CDH8: variants seen among roughly 807,000 people sequenced by gnomAD.
The protein encoded by CDH8 is cadherin-8.
A neutral mutation model predicts 68.1 loss-of-function variants in CDH8; 17 were observed. The observed-to-expected ratio is 0.25, with a 90% CI of 0.17 to 0.37. CDH8 has a LOEUF of 0.37. Ranked by LOEUF, CDH8 falls within the 10% of genes least tolerant of loss-of-function variation. CDH8 has a pLI of 1.00. For synonymous variants in CDH8, 372 were observed against 365.1 expected, an observed-to-expected ratio of 1.02 and a Z score of -0.21; for missense variants, 763 against 999.3, an observed-to-expected ratio of 0.76 and a Z score of 3.19.
At chr16:61,946,059 G>A (rs1263435527) in intron 2 of CDH8, among the ~76,000 whole-genome samples, 1 of 152,120 alleles carries the variant, frequency 6.6e-6, no homozygotes, top group South Asian at 2.1e-4. Flanking sequence ...AAAAATTTGA[G>A]TTCACCTTCC....
In CDH8 at chr16:61,887,744, C is replaced by A. The variant is rs936577667; in HGVS notation, c.547+13435G>T. Among the ~76,000 whole-genome samples, 110 of 152,120 alleles carry A rather than the reference C, an allele frequency of 7.2e-4. 1 individual carries two copies. The highest frequency in any genetic ancestry group is 2.4e-3 in the African/African-American group (101 of 41,504). On this transcript the variant is annotated intron_variant, in intron 3 of 11. Transcript: ENST00000577390. The stretch of plus-strand genomic sequence containing the variant: ...AATTTGTGGGGAACACAATTCTGAT[C>A]CCATCACAAACCCACTGTATTTACA...
At chr16:61,853,963 T>C (rs1199980797) in intron 4 of CDH8, among the ~76,000 whole-genome samples, 1 of 151,658 alleles carries the variant, frequency 6.6e-6, no homozygotes, top group Non-Finnish European at 1.5e-5. Context: ...TGTGTATATA[T>C]ACATGTACAT....
At chr16:61,852,950 C>T (rs900793771) in intron 4 of CDH8, among the ~76,000 whole-genome samples, 2 of 149,240 alleles carry the variant, frequency 1.3e-5, no homozygotes, top group African/African-American at 5.1e-5. Flanking sequence ...TCCTTCACTA[C>T]TTACTGAAGG....
At chr16:61,763,024 T>C (rs1282594087) in intron 8 of CDH8, among the ~76,000 whole-genome samples, 1 of 152,146 alleles carries the variant, frequency 6.6e-6, no homozygotes, top group Non-Finnish European at 1.5e-5. Flanking sequence ...GGACACCAAC[T>C]TCCTGCTGGG....
At chr16:61,936,494 C>G (rs1964629156) in intron 2 of CDH8, among the ~76,000 whole-genome samples, 1 of 152,102 alleles carries the variant, frequency 6.6e-6, no homozygotes, top group Non-Finnish European at 1.5e-5. Flanking sequence ...CAAGATTGCT[C>G]ATAACTCTAT....
chr16:61,788,248 C>T (rs1567470974), intron 8 of CDH8, among the ~76,000 whole-genome samples: 1 of 152,024 alleles, frequency 6.6e-6, no homozygotes, highest in Non-Finnish European at 1.5e-5. Context: ...TTTTTAAATA[C>T]AAACAAAGTA....
intron 2 of CDH8, among the ~76,000 whole-genome samples, chr16:61,937,346 G>A (rs1964644003): frequency 6.6e-6 from 1 of 152,086 alleles, no homozygotes; most frequent in African/African-American, 2.4e-5. Context: ...TAGAACAGAA[G>A]GAAACCACCA....
At position 61,652,990 on chromosome 16, in the gene CDH8, T is replaced by C. The variant is rs1255338481; in HGVS notation, c.*618A>G. 1 of 1,477,392 alleles carries C rather than the reference T, an allele frequency of 6.8e-7. No individual in the cohort carries two copies. The highest frequency in any genetic ancestry group is 8.9e-7 in the Non-Finnish European group (1 of 1,118,476). The allele number at this position is 1,477,392 out of a possible 1,614,324, so 91.5% of individuals were successfully genotyped here. On this transcript the variant is annotated 3_prime_UTR_variant, in exon 12 of 12. Coordinates refer to ENST00000577390, the MANE Select transcript of CDH8 (RefSeq NM_001796.5). ...GGAATGGATTACGAACATGTGAATA[T>C]TTTAAGGCTCGACACAATATTTAAA...
chr16:61,711,653 T>C (rs1167964661), intron 10 of CDH8: 1 of 151,718 alleles, frequency 6.6e-6, no homozygotes, highest in Non-Finnish European at 1.5e-5. Flanking sequence ...ATTTCTGATC[T>C]AGGAAGAGGA....
intron 10 of CDH8, among the ~76,000 whole-genome samples, chr16:61,670,965 A>AG (rs1963780129): frequency 6.6e-6 from 1 of 152,070 alleles, no homozygotes; most frequent in Non-Finnish European, 1.5e-5. Context: ...TATCAGACCA[A>AG]GGTTGAAAGC....
chr16:61,883,413 A>G (rs1963614175), intron 3 of CDH8, among the ~76,000 whole-genome samples: 1 of 152,098 alleles, frequency 6.6e-6, no homozygotes, highest in Admixed American at 6.6e-5. Flanking sequence ...TTTATATAGC[A>G]AACAACAAGC....
intron 10 of CDH8, among the ~76,000 whole-genome samples, chr16:61,711,410 C>G (rs1198329339): frequency 6.6e-6 from 1 of 151,830 alleles, no homozygotes; most frequent in Non-Finnish European, 1.5e-5. Flanking sequence ...AACATTTTAA[C>G]ATTTTTCTTG....
rs1199076688 is a variant in CDH8, at chr16:61,751,395, A to C, written c.1415-24180T>G. Among the ~76,000 whole-genome samples, 17 of 147,514 alleles carry C rather than the reference A, an allele frequency of 1.2e-4. 1 individual carries two copies. The highest frequency in any genetic ancestry group is 3.9e-4 in the African/African-American group (16 of 40,614). The stretch of plus-strand genomic sequence containing the variant: ...CCATATTCTCCTTAAAAAAAAAAAA[A>C]AAAAAAAAAAAAAAAACAAGCAGTT... On this transcript the variant is annotated intron_variant, in intron 8 of 11. Coordinates refer to ENST00000577390, the MANE Select transcript of CDH8 (RefSeq NM_001796.5).
At chr16:62,019,329 A>T (rs536304012) in intron 2 of CDH8, among the ~76,000 whole-genome samples, 1 of 152,304 alleles carries the variant, frequency 6.6e-6, no homozygotes, top group African/African-American at 2.4e-5. Flanking sequence ...GGCCACTGGC[A>T]TTTCCAACAG....
Position 62,021,362 on chromosome 16 carries a change from A to C in CDH8, c.42T>G (p.Thr14=), listed in dbSNP as rs548332575. 1.9e-6 allele frequency: 3 copies of C among 1,613,244 alleles called. No individual in the cohort carries two copies. In the African/African-American group the frequency reaches 4.0e-5, roughly 22 times the overall value. ...GAGTAATCCATAATATTATTAATGGAGTCCAGAGATCCAAGAGCATTTCCG... is the reference window on the plus strand; with the variant it reads ...GAGTAATCCATAATATTATTAATGGCGTCCAGAGATCCAAGAGCATTTCCG... ...RLAEMLLDLW[T]PLIILWITLP... Residue 14 remains threonine (T), a synonymous_variant, in exon 2 of 12, where the codon ACT becomes ACG. Transcript: ENST00000577390.
intron 2 of CDH8, among the ~76,000 whole-genome samples, chr16:61,983,344 GTTATTTCT>G (rs750073234): frequency 6.6e-5 from 10 of 152,162 alleles, no homozygotes; most frequent in Non-Finnish European, 8.8e-5. Context: ...GGAAATTTGA[GTTATTTCT>G]ATGTTTTTTG....
chr16:61,695,833 A>T (rs1442357909), intron 10 of CDH8, among the ~76,000 whole-genome samples: 1 of 152,164 alleles, frequency 6.6e-6, no homozygotes, highest in Non-Finnish European at 1.5e-5. Context: ...TTTTTAACTG[A>T]TTTATGATAA....
At chr16:61,789,076 TCTTA>T (rs1476086420) in intron 8 of CDH8, among the ~76,000 whole-genome samples, 1 of 152,116 alleles carries the variant, frequency 6.6e-6, no homozygotes, top group Non-Finnish European at 1.5e-5. Flanking sequence ...AATCTTTTCC[TCTTA>T]CTTTAAAATG....
chr16:61,681,505 TG>T (rs1379225358), intron 10 of CDH8, among the ~76,000 whole-genome samples: 1 of 151,618 alleles, frequency 6.6e-6, no homozygotes, highest in Non-Finnish European at 1.5e-5. Flanking sequence ...GATTCATTAT[TG>T]TCTGCAGCTC....
Sources: gnomAD v4.1 joint callset for allele counts (sites outside exome capture counted in the v4.1 genomes callset) on GRCh38, gnomAD v4.1.1 for gene constraint, MANE v1.5 for transcripts, NCBI Gene and HGNC (gene_info 2026-07-23, HGNC 2026-07-21) for gene names.